The following DTWD2 variants were observed in gnomAD, a reference collection of about 807,000 sequenced individuals.
DTWD2 encodes the protein DTW motif tRNA-uridine aminocarboxypropyltransferase 2.
DTWD2 carries 39 observed loss-of-function variants against 31.8 expected under a neutral mutation model. That is an observed-to-expected ratio of 1.22 (90% CI 0.95 to 1.60). The LOEUF is 1.60. Ranked by LOEUF, DTWD2 falls within the 40% of genes most tolerant of loss-of-function variation. The pLI, the probability that DTWD2 is intolerant of heterozygous loss-of-function variation, is 0.00. For synonymous variants in DTWD2, 180 were observed against 142.8 expected, an observed-to-expected ratio of 1.26 and a Z score of -1.86; for missense variants, 515 against 381.5, an observed-to-expected ratio of 1.35 and a Z score of -2.92.
intron 4 of DTWD2, among the ~76,000 whole-genome samples, chr5:118,848,757 C>A (rs979269014): frequency 6.6e-6 from 1 of 152,230 alleles, no homozygotes; most frequent in South Asian, 2.1e-4. Context: ...ACAAACCTGA[C>A]ACAAACAAGC....
intron 1 of DTWD2, among the ~76,000 whole-genome samples, chr5:118,970,535 G>C (rs1054651300): frequency 1.3e-5 from 2 of 152,204 alleles, no homozygotes; most frequent in Admixed American, 6.5e-5. Flanking sequence ...GAAAGAGACA[G>C]GAAAATTGGA....
intron 1 of DTWD2, among the ~76,000 whole-genome samples, chr5:118,971,214 A>G (rs747685997): frequency 2.6e-5 from 4 of 152,240 alleles, no homozygotes; most frequent in Non-Finnish European, 4.4e-5. Flanking sequence ...GTCAAGATCC[A>G]TCTGTATGCT....
intron 5 of DTWD2, among the ~76,000 whole-genome samples, chr5:118,842,285 T>G (rs1023522130): frequency 6.6e-6 from 1 of 152,328 alleles, no homozygotes. Context: ...TTACATTCAC[T>G]AATGACCCAA....
Position 118,844,497 on chromosome 5 carries a change from G to A in DTWD2, c.727-3410C>T, listed in dbSNP as rs1488673745. ...TTAGAGAGGAAAAGAGGGGCAAGAG[G>A]ATTAACTCTTTTTGAGTGCCTGTGT... On this transcript the variant is annotated intron_variant, in intron 5 of 5. Transcript: ENST00000510708. Among the ~76,000 whole-genome samples the A allele has an allele frequency of 3.9e-5, 6 of 152,232 alleles. No homozygotes were observed. In the South Asian group the frequency reaches 1.2e-3, roughly 32 times the overall value.
At chr5:118,856,764 CT>C (rs68175368) in intron 4 of DTWD2, among the ~76,000 whole-genome samples, 2,318 of 44,288 alleles carry the variant, frequency 0.052, 52 homozygotes, top group African/African-American at 0.19. Context: ...TTGAGGCTTA[CT>C]TTTTTTTTTT....
chr5:118,984,182 A>G (rs961036881), intron 1 of DTWD2, among the ~76,000 whole-genome samples: 1 of 152,072 alleles, frequency 6.6e-6, no homozygotes. Context: ...CCAGCTACTC[A>G]GGAGGCTGAG....
At chr5:118,973,794 C>A in intron 1 of DTWD2, 4 of 1,611,862 alleles carry the variant, frequency 2.5e-6, no homozygotes, top group Non-Finnish European at 3.4e-6. Context: ...GCGTGCCCCA[C>A]CATGTCAGAC....
chr5:118,850,404 G>A (rs1356103216), intron 4 of DTWD2, among the ~76,000 whole-genome samples: 1 of 141,480 alleles, frequency 7.1e-6, no homozygotes, highest in Non-Finnish European at 1.5e-5. Flanking sequence ...CTTGAGCTCT[G>A]GAGGCAGAGG....
At chr5:118,965,386 G>C (rs558973028) in intron 1 of DTWD2, among the ~76,000 whole-genome samples, 8 of 152,090 alleles carry the variant, frequency 5.3e-5, no homozygotes, top group Admixed American at 2.6e-4. Context: ...TGGGAAGTGA[G>C]GAGCCCCTCT....
rs1256368202 is a variant in DTWD2, at chr5:118,836,251, A to G, written c.*4666T>C. Among the ~76,000 whole-genome samples the G allele has an allele frequency of 2.0e-5, 3 of 151,986 alleles. No individual in the cohort carries two copies. Among genetic ancestry groups the G allele is most frequent in the Admixed American group, 2.0e-4 (3 of 15,262 alleles). On this transcript the variant is annotated 3_prime_UTR_variant, in exon 6 of 6. Coordinates refer to ENST00000510708, the MANE Select transcript of DTWD2 (RefSeq NM_173666.4). ...GAATCTTATTTTTATTTATTTATTT[A>G]TTTATTTGAGACACTGTCTCACTCT...
At chr5:118,964,926 C>G (rs1359820389) in intron 1 of DTWD2, among the ~76,000 whole-genome samples, 3 of 152,068 alleles carry the variant, frequency 2.0e-5, no homozygotes, top group African/African-American at 7.2e-5. Context: ...AGGAGCCCCT[C>G]TGCCCGGCTG....
chr5:118,881,544 T>C (rs1226979049), intron 4 of DTWD2, among the ~76,000 whole-genome samples: 1 of 152,184 alleles, frequency 6.6e-6, no homozygotes, highest in African/African-American at 2.4e-5. Flanking sequence ...TTAGAGGATG[T>C]ATTAGTCTGT....
chr5:118,890,562 C>CTTTTT (rs973397760), intron 4 of DTWD2, among the ~76,000 whole-genome samples: 14 of 71,254 alleles, frequency 2.0e-4, no homozygotes, highest in Non-Finnish European at 2.3e-4. Flanking sequence ...TTAGGTTTTC[C>CTTTTT]TTTTTTTTTT....
intron 4 of DTWD2, among the ~76,000 whole-genome samples, chr5:118,894,031 ACT>A (rs1753030745): frequency 1.4e-5 from 2 of 146,054 alleles, no homozygotes; most frequent in South Asian, 4.3e-4. Flanking sequence ...ACAGAGGGAG[ACT>A]CTGTCTCAAA....
chr5:118,922,390 G>C (rs2149575921), intron 4 of DTWD2, among the ~76,000 whole-genome samples: 1 of 152,114 alleles, frequency 6.6e-6, no homozygotes, highest in Middle Eastern at 3.4e-3. Flanking sequence ...TACATTTAGA[G>C]CAAAATTTTT....
At chr5:118,864,641 AT>A (rs148477762) in intron 4 of DTWD2, among the ~76,000 whole-genome samples, 10,718 of 145,462 alleles carry the variant, frequency 0.074, 1,171 homozygotes, top group African/African-American at 0.24. Flanking sequence ...ATTTTATTTT[AT>A]TTTTTTTTTA....
chr5:118,847,280 G>A lies in DTWD2; in HGVS notation c.726+810C>T, dbSNP rs1012074045. Among the ~76,000 whole-genome samples the A allele has an allele frequency of 4.6e-5, 7 of 152,048 alleles. No individual in the cohort carries two copies. The East Asian group carries it at 7.7e-4, about 17-fold the overall frequency. On this transcript the variant is annotated intron_variant, in intron 5 of 5. Transcript: ENST00000510708. Reference sequence around the variant, plus strand: ...GTACCTCTTTCGCGTGTGTATGTGCGTGTGTGCATCCATGTGTTCATGCTG... The same window carrying A: ...GTACCTCTTTCGCGTGTGTATGTGCATGTGTGCATCCATGTGTTCATGCTG...
intron 1 of DTWD2, among the ~76,000 whole-genome samples, chr5:118,958,926 C>G (rs183068611): frequency 6.6e-6 from 1 of 152,156 alleles, no homozygotes; most frequent in Non-Finnish European, 1.5e-5. Flanking sequence ...CCTCAACAAA[C>G]TAGGCACTAA....
At chr5:118,907,288 T>G (rs546728441) in intron 4 of DTWD2, among the ~76,000 whole-genome samples, 31 of 152,332 alleles carry the variant, frequency 2.0e-4, no homozygotes, top group African/African-American at 7.5e-4. Flanking sequence ...TTCAAGTGGT[T>G]ATTTTAGACT....
Sources: allele counts gnomAD v4.1 joint callset (sites outside exome capture counted in the v4.1 genomes callset), GRCh38; gene constraint gnomAD v4.1.1; transcripts MANE v1.5; gene names NCBI Gene and HGNC (gene_info 2026-07-23, HGNC 2026-07-21).